Variants in PLCL1 observed in about 807,000 individuals in gnomAD.
PLCL1 encodes the protein inactive phospholipase C-like protein 1.
Under a neutral mutation model 84.4 loss-of-function variants are expected in PLCL1, and 41 were observed. That is an observed-to-expected ratio of 0.49 (90% CI 0.38 to 0.63). The LOEUF is 0.63. Ranked by LOEUF, PLCL1 falls within the 30% of genes least tolerant of loss-of-function variation. The pLI, the probability that PLCL1 is intolerant of heterozygous loss-of-function variation, is 0.00. For synonymous variants in PLCL1, 490 were observed against 488.3 expected (o/e 1.00, Z -0.05); for missense variants, 1,206 against 1,367.8 (o/e 0.88, Z 1.87).
intron 1 of PLCL1, among the ~76,000 whole-genome samples, chr2:198,033,738 C>T (rs879458601): frequency 2.6e-5 from 4 of 152,090 alleles, no homozygotes; most frequent in Admixed American, 6.6e-5. Context: ...CCTGATTCTC[C>T]GTTTACGTGA....
At chr2:197,859,297 A>G (rs1308537626) in intron 1 of PLCL1, among the ~76,000 whole-genome samples, 2 of 152,168 alleles carry the variant, frequency 1.3e-5, no homozygotes, top group Non-Finnish European at 2.9e-5. Context: ...TCCATGGAAG[A>G]AGAGAAGAAC....
intron 1 of PLCL1, among the ~76,000 whole-genome samples, chr2:197,848,140 G>C (rs907381667): frequency 1.3e-5 from 2 of 152,162 alleles, no homozygotes; most frequent in Non-Finnish European, 2.9e-5. Context: ...GATGAAACTA[G>C]GTAGGCTCAT....
intron 5 of PLCL1, among the ~76,000 whole-genome samples, chr2:198,115,211 C>T (rs1693714651): frequency 1.3e-5 from 2 of 151,732 alleles, no homozygotes; most frequent in South Asian, 2.1e-4. Context: ...GGTCAAAGTT[C>T]CAGGGCCTAA....
intron 1 of PLCL1, among the ~76,000 whole-genome samples, chr2:197,934,372 C>G (rs1316660166): frequency 6.6e-6 from 1 of 152,204 alleles, no homozygotes; most frequent in East Asian, 1.9e-4. Flanking sequence ...AAATGTGCAG[C>G]TGTAGTGGCA....
chr2:198,045,212 C>T (rs1164194312), intron 1 of PLCL1, among the ~76,000 whole-genome samples: 3 of 151,956 alleles, frequency 2.0e-5, no homozygotes, highest in African/African-American at 4.8e-5. Flanking sequence ...GTGATAAGTC[C>T]TTTTGTTGTC....
chr2:197,844,947 G>A (rs993042948), intron 1 of PLCL1, among the ~76,000 whole-genome samples: 4 of 152,038 alleles, frequency 2.6e-5, no homozygotes, highest in African/African-American at 7.2e-5. Flanking sequence ...TTTCCTGTCA[G>A]TGCAAGGATA....
intron 1 of PLCL1, among the ~76,000 whole-genome samples, chr2:198,064,014 A>T (rs1458724487): frequency 6.6e-6 from 1 of 152,194 alleles, no homozygotes; most frequent in Non-Finnish European, 1.5e-5. Flanking sequence ...GCTAGTAATC[A>T]TTATAGTACA....
chr2:197,920,003 GTAA>G (rs1258677030), intron 1 of PLCL1, among the ~76,000 whole-genome samples: 1 of 151,998 alleles, frequency 6.6e-6, no homozygotes, highest in Non-Finnish European at 1.5e-5. Flanking sequence ...GAAAATGAGG[GTAA>G]TAATAATGCC....
chr2:197,848,307 G>A (rs1287605020), intron 1 of PLCL1, among the ~76,000 whole-genome samples: 2 of 152,176 alleles, frequency 1.3e-5, no homozygotes, highest in Admixed American at 6.5e-5. Flanking sequence ...AAAAATCAGG[G>A]AAGGAGACTA....
chr2:198,005,616 C>A (rs761175017), intron 1 of PLCL1, among the ~76,000 whole-genome samples: 6 of 152,220 alleles, frequency 3.9e-5, no homozygotes, highest in Non-Finnish European at 8.8e-5. Context: ...AAAGACTCAC[C>A]TCAGTGTTGA....
intron 1 of PLCL1, 26 bp from the exon 2 acceptor site, chr2:198,083,732 T>C (rs753063763): frequency 5.2e-5 from 77 of 1,472,908 alleles, no homozygotes; most frequent in Non-Finnish European, 6.6e-5. Flanking sequence ...AGGAAATTGA[T>C]TCATTTTTTT....
intron 1 of PLCL1, among the ~76,000 whole-genome samples, chr2:197,909,737 G>T (rs1364926485): frequency 1.3e-5 from 2 of 152,168 alleles, no homozygotes; most frequent in Non-Finnish European, 2.9e-5. Context: ...AGTTGTGCTG[G>T]TAGCAGTCGG....
At position 198,085,710 on chromosome 2, in the gene PLCL1, G is replaced by T; in HGVS notation, c.2193G>T (p.Gln731His). The change falls in exon 2 of 6, where the codon CAG becomes CAT. Residue 731 changes from glutamine (Q) to histidine (H), a missense_variant. Gln to His is a conservative substitution (Grantham distance 24). Coordinates refer to ENST00000428675, the MANE Select transcript of PLCL1 (RefSeq NM_006226.4). The surrounding 1 kb of genome is among the most constrained non-coding windows in gnomAD (Gnocchi z 5.3). ...TTCATATCAAGATCATCAGTGGTCA[G>T]AATTTCCCAAAGCCCAAGGGAGCTT... ...LALHIKIISGQNFPKPKGACA... is the reference protein window; with the variant it reads ...LALHIKIISGHNFPKPKGACA... 6.2e-7 allele frequency: 1 copy of T among 1,614,146 alleles called. No individual in the cohort carries two copies. Among genetic ancestry groups the T allele is most frequent in the Non-Finnish European group, 8.5e-7 (1 of 1,180,008 alleles).
intron 1 of PLCL1, among the ~76,000 whole-genome samples, chr2:198,005,749 G>A (rs1192938412): frequency 4.6e-5 from 7 of 152,236 alleles, no homozygotes; most frequent in Admixed American, 4.6e-4. Flanking sequence ...ACTCGCCTGA[G>A]GTGGAGAGGC....
chr2:197,949,061 A>G (rs1255979819), intron 1 of PLCL1, among the ~76,000 whole-genome samples: 2 of 152,158 alleles, frequency 1.3e-5, no homozygotes, highest in Admixed American at 6.6e-5. Flanking sequence ...GCCAGGGGGA[A>G]TGTTCAGAGA....
intron 1 of PLCL1, among the ~76,000 whole-genome samples, chr2:197,939,351 C>A (rs1424936467): frequency 6.6e-6 from 1 of 152,160 alleles, no homozygotes; most frequent in East Asian, 1.9e-4. Flanking sequence ...TCCGCAATTA[C>A]AAAATCAGAA....
intron 1 of PLCL1, among the ~76,000 whole-genome samples, chr2:197,884,990 C>T (rs1033253412): frequency 3.9e-5 from 6 of 152,162 alleles, no homozygotes; most frequent in South Asian, 2.1e-4. Context: ...TAAGGCCTGA[C>T]GTGGTTTGGC....
In PLCL1 at chr2:198,149,641, C is replaced by T. The variant is rs1694596962; in HGVS notation, c.*2679C>T. ...AATATTAATGGTCAATATAAAAATA[C>T]AAAAATAGAGAACTATATACAACAG... On this transcript the variant is annotated 3_prime_UTR_variant, in exon 6 of 6. Coordinates refer to ENST00000428675, the MANE Select transcript of PLCL1 (RefSeq NM_006226.4). The T allele has an allele frequency of 1.3e-5, 2 of 151,934 alleles. No homozygotes were observed. The allele number at this position is 151,934 out of a possible 1,614,324, so 9.4% of individuals were successfully genotyped here.
chr2:198,073,161 G>A (rs992698289), intron 1 of PLCL1, among the ~76,000 whole-genome samples: 6 of 152,228 alleles, frequency 3.9e-5, no homozygotes, highest in Admixed American at 6.5e-5. Flanking sequence ...CTATCAGTAC[G>A]ATATTTATGG....
Sources: gnomAD v4.1 joint callset for allele counts (sites outside exome capture counted in the v4.1 genomes callset) on GRCh38, gnomAD v4.1.1 for gene constraint, Gnocchi (gnomAD v3.1) non-coding constraint, MANE v1.5 for transcripts, NCBI Gene and HGNC (gene_info 2026-07-23, HGNC 2026-07-21) for gene names.